The following MYO10 variants were observed in gnomAD, a reference collection of about 807,000 sequenced individuals.
MYO10 encodes the protein myosin X.
MYO10 carries 133 observed loss-of-function variants against 257.3 expected under a neutral mutation model. The ratio of observed to expected loss-of-function variants is 0.52; its 90% CI spans 0.45 to 0.60. MYO10 has a LOEUF of 0.60. Ranked by LOEUF, MYO10 falls within the 20% of genes least tolerant of loss-of-function variation. MYO10 has a pLI of 0.00. For synonymous variants in MYO10, 1,104 were observed against 1,028.6 expected (o/e 1.07, Z -1.40); for missense variants, 2,399 against 2,635.7 (o/e 0.91, Z 1.97).
chr5:16,916,184 C>T (rs1745811652), intron 1 of MYO10: 4 of 455,270 alleles, frequency 8.8e-6, no homozygotes, highest in African/African-American at 2.0e-5. Context: ...CGTTCCGCCA[C>T]GTCAGGGTCA....
chr5:16,779,669 G>T, intron 8 of MYO10, 21 bp from the exon 9 acceptor site: 1 of 1,387,954 alleles, frequency 7.2e-7, no homozygotes, highest in Middle Eastern at 1.8e-4. Context: ...ACAAAAACAT[G>T]ATGTCACAGT....
intron 30 of MYO10, among the ~76,000 whole-genome samples, chr5:16,682,743 A>C (rs144107453): frequency 1.3e-5 from 2 of 152,334 alleles, no homozygotes; most frequent in Non-Finnish European, 2.9e-5. Flanking sequence ...ACTGGACTGC[A>C]GGACACAGGA....
Position 16,877,683 on chromosome 5 carries a change from T to C in MYO10, c.46A>G (p.Asn16Asp). The change falls in exon 2 of 41, where the codon AAT (asparagine) becomes GAT (aspartate). Residue 16 changes from asparagine (N) to aspartate (D), a missense_variant. Transcript: ENST00000513610. ...ACAGTACTTGGAAAATGCTGGCCAT[T>C]TTCTCTCAGCCAGACCCGTGTTCCC... Reference protein sequence around the residue: ...TEGTRVWLRENGQHFPSTVNS... With the variant: ...TEGTRVWLREDGQHFPSTVNS... 1 of 1,613,638 alleles carries C rather than the reference T, an allele frequency of 6.2e-7. No homozygotes were observed. The highest frequency in any genetic ancestry group is 1.1e-5 in the South Asian group (1 of 91,000).
chr5:16,910,551 T>G (rs1254212852), intron 1 of MYO10, among the ~76,000 whole-genome samples: 3 of 152,268 alleles, frequency 2.0e-5, no homozygotes, highest in Non-Finnish European at 4.4e-5. Flanking sequence ...AAAGGGGCTC[T>G]CAGATATTTT....
At chr5:16,768,748 C>T (rs1270237663) in intron 10 of MYO10, among the ~76,000 whole-genome samples, 1 of 139,692 alleles carries the variant, frequency 7.2e-6, no homozygotes, top group Non-Finnish European at 1.5e-5. Flanking sequence ...CATCTCAGCT[C>T]ACTGCACCTT....
intron 19 of MYO10, among the ~76,000 whole-genome samples, chr5:16,753,650 T>C (rs1020278361): frequency 6.6e-6 from 1 of 151,462 alleles, no homozygotes; most frequent in Non-Finnish European, 1.5e-5. Context: ...TCTGTATTTT[T>C]AGTAGAGATA....
intron 10 of MYO10, among the ~76,000 whole-genome samples, chr5:16,768,664 CTTTTTTTT>C (rs34950225): frequency 2.0e-4 from 14 of 70,142 alleles, no homozygotes; most frequent in East Asian, 5.3e-4. Context: ...TTTCTCTTTT[CTTTTTTTT>C]TTTTTTTTTT....
At chr5:16,809,797 T>G (rs912951866) in intron 3 of MYO10, among the ~76,000 whole-genome samples, 1 of 152,212 alleles carries the variant, frequency 6.6e-6, no homozygotes, top group Non-Finnish European at 1.5e-5. Flanking sequence ...TCTGTGCTGT[T>G]TGTTCGGCAA....
intron 1 of MYO10, among the ~76,000 whole-genome samples, chr5:16,893,792 T>A (rs1361143281): frequency 6.6e-6 from 1 of 152,078 alleles, no homozygotes; most frequent in Non-Finnish European, 1.5e-5. Context: ...GGGCAGCACT[T>A]CTGATGGCCC....
chr5:16,702,392 T>C, intron 24 of MYO10, 151 bp downstream of exon 24: 1 of 727,852 alleles, frequency 1.4e-6, no homozygotes, highest in Non-Finnish European at 2.3e-6. Flanking sequence ...CCAATTGTAA[T>C]AGGTCAGAAA....
intron 1 of MYO10, among the ~76,000 whole-genome samples, chr5:16,920,840 G>A (rs762568892): frequency 2.2e-4 from 34 of 152,248 alleles, no homozygotes; most frequent in Admixed American, 3.9e-4. Context: ...AGAATAGGCC[G>A]GGTGCGGTGG....
chr5:16,870,677 G>A (rs1373367774), intron 2 of MYO10, among the ~76,000 whole-genome samples: 1 of 152,142 alleles, frequency 6.6e-6, no homozygotes, highest in African/African-American at 2.4e-5. Context: ...TGAATCATCT[G>A]AGGTTGGGAG....
intron 3 of MYO10, among the ~76,000 whole-genome samples, chr5:16,803,428 GA>G (rs1054267028): frequency 1.4e-5 from 2 of 146,488 alleles, no homozygotes; most frequent in African/African-American, 2.5e-5. Context: ...TATCTCAAAA[GA>G]AAAAAAAAAG....
chr5:16,671,265 T>C (rs979512198), intron 38 of MYO10, among the ~76,000 whole-genome samples, 157 bp downstream of exon 38: 1 of 152,354 alleles, frequency 6.6e-6, no homozygotes, highest in East Asian at 1.9e-4. Context: ...GCAGGTTTCA[T>C]TCTACAAACG....
Position 16,792,837 on chromosome 5 carries a change from A to T in MYO10, c.467+1809T>A, listed in dbSNP as rs537655260. On this transcript the variant is annotated intron_variant, in intron 4 of 40. Transcript: ENST00000513610. ...TGGTCTTACTTCCACTGAATCGGAAATCCGGAGAGAGGGGTCTTTTTAGTG... is the reference window on the plus strand; with the variant it reads ...TGGTCTTACTTCCACTGAATCGGAATTCCGGAGAGAGGGGTCTTTTTAGTG... 1.3e-4 allele frequency among the ~76,000 whole-genome samples: 20 copies of T among 152,292 alleles called. No individual in the cohort carries two copies. The East Asian group carries it at 3.9e-3, about 29-fold the overall frequency.
intron 23 of MYO10, 65 bp from the exon 24 acceptor site, chr5:16,702,653 T>C: frequency 1.4e-6 from 2 of 1,463,150 alleles, no homozygotes; most frequent in Non-Finnish European, 1.9e-6. Context: ...TTCAGAGAGA[T>C]CTACGTTTTT....
chr5:16,818,606 AT>A (rs34322258), intron 2 of MYO10, among the ~76,000 whole-genome samples: 138,911 of 145,224 alleles, frequency 0.96, 66,461 homozygotes, highest in Non-Finnish European at 0.97. Context: ...TAATTTTTGC[AT>A]TTTTTTTTTT....
chr5:16,754,770 C>T, intron 19 of MYO10, 58 bp downstream of exon 19: 2 of 1,325,336 alleles, frequency 1.5e-6, no homozygotes, highest in East Asian at 4.9e-5. Flanking sequence ...TGAGTAACCA[C>T]CCCAGGAGGC....
chr5:16,832,307 G>T (rs940921033), intron 2 of MYO10, among the ~76,000 whole-genome samples: 3 of 151,966 alleles, frequency 2.0e-5, no homozygotes, highest in African/African-American at 7.3e-5. Flanking sequence ...TACATTTCTA[G>T]GCTTAAAAAG....
Sources: allele counts gnomAD v4.1 joint callset (sites outside exome capture counted in the v4.1 genomes callset), GRCh38; gene constraint gnomAD v4.1.1; transcripts MANE v1.5; gene names NCBI Gene and HGNC (gene_info 2026-07-23, HGNC 2026-07-21).